Variants in USP15 observed in about 807,000 individuals in gnomAD.
USP15 encodes the protein ubiquitin specific peptidase 15, also known as ubiquitin carboxyl-terminal hydrolase 15.
In USP15, 18 loss-of-function variants were observed where a neutral mutation model predicts 127.1. The ratio of observed to expected loss-of-function variants is 0.14; its 90% confidence interval spans 0.10 to 0.21. The LOEUF (loss-of-function observed/expected upper bound fraction) is 0.21, where lower values mean the gene tolerates loss of function less well. USP15 is among the 10% of genes least tolerant of loss of function. USP15 has a pLI of 1.00. For missense variants in USP15, 805 were observed against 1,159.9 expected, an observed-to-expected ratio of 0.69 and a Z score of 4.44; for synonymous variants, 364 against 393.7, an observed-to-expected ratio of 0.92 and a Z score of 0.89.
At chr12:62,308,747 ATC>A (rs2064563563) in intron 3 of USP15, among the ~76,000 whole-genome samples, 1 of 152,178 alleles carries the variant, frequency 6.6e-6, no homozygotes, top group African/African-American at 2.4e-5. Context: ...ATTCTGGGTT[ATC>A]AAAATTCCAG....
chr12:62,352,158 C>T (rs1440302041), intron 7 of USP15, among the ~76,000 whole-genome samples: 1 of 151,658 alleles, frequency 6.6e-6, no homozygotes, highest in Non-Finnish European at 1.5e-5. Context: ...TTTAACCCTA[C>T]ACTGATACAT....
chr12:62,346,342 A>G (rs1362409261), intron 6 of USP15, among the ~76,000 whole-genome samples: 1 of 152,168 alleles, frequency 6.6e-6, no homozygotes, highest in Non-Finnish European at 1.5e-5. Context: ...TACTCCTTTG[A>G]TTCATGCTAA....
At chr12:62,396,555 C>CT (rs936334530) in intron 20 of USP15, among the ~76,000 whole-genome samples, 157 bp downstream of exon 20, 43 of 147,782 alleles carry the variant, frequency 2.9e-4, no homozygotes, top group South Asian at 4.3e-4. Flanking sequence ...GCTTTTGAAC[C>CT]TTTTTTTTTT....
At position 62,404,469 on chromosome 12, in the gene USP15, G is replaced by C. The variant is rs2067804271; in HGVS notation, c.*94G>C. ...CCACCACATTAAAACAAAAGTCTGA[G>C]ATGGGGAGTTTCAGATAACCGAATG... On this transcript the variant is annotated 3_prime_UTR_variant, in exon 22 of 22. Coordinates refer to ENST00000280377, the MANE Select transcript of USP15 (RefSeq NM_001252078.2). 1.4e-6 allele frequency: 2 copies of C among 1,408,582 alleles called. No individual in the cohort carries two copies. Among genetic ancestry groups the C allele is most frequent in the East Asian group, 2.6e-5 (1 of 38,794 alleles). 87.3% of individuals were successfully genotyped at this position (1,408,582 alleles called of 1,614,324 possible).
intron 2 of USP15, 168 bp downstream of exon 2, chr12:62,294,474 A>T: frequency 1.5e-6 from 1 of 661,692 alleles, no homozygotes. Flanking sequence ...AAATTTTATT[A>T]GTTATTATTC....
chr12:62,376,539 G>T (rs1052021709), intron 8 of USP15, among the ~76,000 whole-genome samples: 56 of 152,160 alleles, frequency 3.7e-4, no homozygotes, highest in African/African-American at 1.3e-3. Context: ...ATGTCAGGCA[G>T]TTGAACTCCA....
Position 62,415,715 on chromosome 12 carries a change from T to C in USP15, c.*11340T>C, listed in dbSNP as rs1253575252. ...AGCAAACCTATGACTTTTCTCAGAA[T>C]ATACAGTTTGCTTGTGATGGAGGGC... On this transcript the variant is annotated 3_prime_UTR_variant, in exon 22 of 22. Transcript: ENST00000280377. The C allele has an allele frequency of 6.6e-6, 1 of 152,192 alleles. No homozygotes were observed. Among genetic ancestry groups the C allele is most frequent in the Non-Finnish European group, 1.5e-5 (1 of 68,038 alleles). The allele number at this position is 152,192 out of a possible 1,614,324, so 9.4% of individuals were successfully genotyped here.
Position 62,349,326 on chromosome 12 carries a change from A to C in USP15, c.770+19A>C. The C allele has an allele frequency of 1.4e-6, 2 of 1,431,440 alleles. No homozygotes were observed. The allele number at this position is 1,431,440 out of a possible 1,614,324, so 88.7% of individuals were successfully genotyped here. On this transcript the variant is annotated intron_variant, in intron 7 of 21. Transcript: ENST00000280377. Reference sequence around the variant, plus strand: ...ACAGAAAGTAAGCACTGAATCTTAAAAACTCTTTGTTTAATTGATCACCCT... The same window carrying C: ...ACAGAAAGTAAGCACTGAATCTTAACAACTCTTTGTTTAATTGATCACCCT...
chr12:62,365,721 A>G (rs1054230339), intron 8 of USP15, among the ~76,000 whole-genome samples: 2 of 152,096 alleles, frequency 1.3e-5, no homozygotes, highest in East Asian at 1.9e-4. Flanking sequence ...TCTTGAATTG[A>G]TTTTTGTATA....
chr12:62,370,195 T>C (rs2066618094), intron 8 of USP15, among the ~76,000 whole-genome samples: 2 of 152,148 alleles, frequency 1.3e-5, no homozygotes, highest in African/African-American at 4.8e-5. Flanking sequence ...CCTCCCAAAG[T>C]GCTGGGATTA....
chr12:62,396,752 A>G (rs979675184), intron 20 of USP15, among the ~76,000 whole-genome samples: 7 of 152,264 alleles, frequency 4.6e-5, no homozygotes, highest in Non-Finnish European at 1.0e-4. Context: ...TGTGCTGTAG[A>G]TATCACTAGG....
At chr12:62,261,570 G>T (rs1246002014) in intron 1 of USP15, among the ~76,000 whole-genome samples, 1 of 152,168 alleles carries the variant, frequency 6.6e-6, no homozygotes, top group East Asian at 1.9e-4. Flanking sequence ...TTGCAGTATG[G>T]CTTTGAGGAG....
chr12:62,401,855 G>A (rs1175093980), intron 21 of USP15, among the ~76,000 whole-genome samples: 9 of 77,138 alleles, frequency 1.2e-4, no homozygotes, highest in African/African-American at 4.3e-4. Context: ...TCTCAGTATG[G>A]GTTTGTGTGT....
At chr12:62,321,427 C>T in intron 4 of USP15, 37 bp from the exon 5 acceptor site, 3 of 1,315,530 alleles carry the variant, frequency 2.3e-6, no homozygotes, top group Non-Finnish European at 2.0e-6. Context: ...TTTTGAAATA[C>T]ATACTATATT....
At chr12:62,353,018 A>C (rs1214152570) in intron 7 of USP15, among the ~76,000 whole-genome samples, 1 of 152,044 alleles carries the variant, frequency 6.6e-6, no homozygotes, top group Non-Finnish European at 1.5e-5. Flanking sequence ...CATGAAAGGT[A>C]CTAGAGGCTA....
At chr12:62,308,705 A>G (rs1023900952) in intron 3 of USP15, among the ~76,000 whole-genome samples, 5 of 152,146 alleles carry the variant, frequency 3.3e-5, no homozygotes, top group Non-Finnish European at 7.4e-5. Context: ...ACACATTTCT[A>G]TTAAGTGGAA....
At chr12:62,304,723 A>T (rs2064423775) in intron 3 of USP15, 1 of 454,900 alleles carries the variant, frequency 2.2e-6, no homozygotes, top group Non-Finnish European at 4.4e-6. Context: ...TAAGCAGAAA[A>T]TACGATGGAA....
chr12:62,342,828 T>C (rs1261943916), intron 6 of USP15, among the ~76,000 whole-genome samples: 1 of 152,068 alleles, frequency 6.6e-6, no homozygotes, highest in Non-Finnish European at 1.5e-5. Context: ...CCGTATGAGG[T>C]GTCTGTCAAC....
chr12:62,405,351 T>C lies in USP15; in HGVS notation c.*976T>C, dbSNP rs140413081. On this transcript the variant is annotated 3_prime_UTR_variant, in exon 22 of 22. Transcript: ENST00000280377. ...TGGCCTTTAAATCATTAATGGACAA[T>C]TGGCTATAAAGGTAGGTCTGTTAAC... 5 of 152,450 alleles carry C rather than the reference T, an allele frequency of 3.3e-5. No homozygotes were observed. The highest frequency in any genetic ancestry group is 1.2e-4 in the African/African-American group (5 of 41,572). 9.4% of individuals were successfully genotyped at this position (152,450 alleles called of 1,614,324 possible). A position where few individuals can be genotyped will look rare whatever the true frequency, so the allele number is the denominator to read the frequency against.
Sources: allele counts gnomAD v4.1 joint callset (sites outside exome capture counted in the v4.1 genomes callset), GRCh38; gene constraint gnomAD v4.1.1; transcripts MANE v1.5; gene names NCBI Gene and HGNC (gene_info 2026-07-23, HGNC 2026-07-21).